Variants in BBS9 observed in about 807,000 individuals in gnomAD.
The protein encoded by BBS9 is Bardet-Biedl syndrome 9, also known as protein PTHB1.
BBS9 carries 89 observed loss-of-function variants against 117.7 expected under a neutral mutation model. That is an observed-to-expected ratio of 0.76 (90% CI 0.64 to 0.90). BBS9 has a LOEUF of 0.90. Ranked by LOEUF, BBS9 falls within the 40% of genes least tolerant of loss-of-function variation. BBS9 has a pLI of 0.00. For synonymous variants in BBS9, 379 were observed against 370.9 expected (o/e 1.02, Z -0.25); for missense variants, 982 against 1,042.2 (o/e 0.94, Z 0.80).
At chr7:33,529,012 G>GCAAAT (rs1360847673) in intron 20 of BBS9, among the ~76,000 whole-genome samples, 1 of 152,184 alleles carries the variant, frequency 6.6e-6, no homozygotes, top group African/African-American at 2.4e-5. Context: ...GTAAAGCAAA[G>GCAAAT]CAGTCAGAAA....
chr7:33,521,074 G>A (rs1848523654), intron 20 of BBS9, among the ~76,000 whole-genome samples: 1 of 152,102 alleles, frequency 6.6e-6, no homozygotes, highest in African/African-American at 2.4e-5. Flanking sequence ...GCTTAGTCAA[G>A]GTGACTGGCT....
At chr7:33,134,876 G>A (rs959551067) in intron 1 of BBS9, among the ~76,000 whole-genome samples, 5 of 152,094 alleles carry the variant, frequency 3.3e-5, no homozygotes, top group Admixed American at 6.5e-5. Context: ...GATTACAGGC[G>A]TCAGCCACTG....
At chr7:33,276,515 A>G (rs1211886469) in intron 9 of BBS9, among the ~76,000 whole-genome samples, 1 of 152,210 alleles carries the variant, frequency 6.6e-6, no homozygotes, top group Non-Finnish European at 1.5e-5. Flanking sequence ...CACAAAAGGT[A>G]AGGGAGCTTC....
At chr7:33,551,222 G>A (rs960136333) in intron 21 of BBS9, among the ~76,000 whole-genome samples, 1 of 152,168 alleles carries the variant, frequency 6.6e-6, no homozygotes, top group African/African-American at 2.4e-5. Context: ...GCAAGGGGGT[G>A]CCAGGCCCCA....
At chr7:33,492,942 T>A (rs1386708347) in intron 19 of BBS9, among the ~76,000 whole-genome samples, 2 of 151,966 alleles carry the variant, frequency 1.3e-5, no homozygotes, top group African/African-American at 4.8e-5. Context: ...TTGGCATTGC[T>A]GTGTGATTTT....
At chr7:33,274,884 G>A (rs5012441) in intron 9 of BBS9, among the ~76,000 whole-genome samples, 125,434 of 151,486 alleles carry the variant, frequency 0.83, 51,978 homozygotes, top group Admixed American at 0.86. Context: ...AGTCCCAGCT[G>A]CTTGGGAGGC....
At chr7:33,155,498 G>T in intron 3 of BBS9, 140 bp from the exon 4 acceptor site, 2 of 618,006 alleles carry the variant, frequency 3.2e-6, no homozygotes, top group Non-Finnish European at 5.8e-6. Context: ...TTATTTTTCA[G>T]TTTAGAATGT....
At chr7:33,576,834 G>C (rs1585328466) in intron 21 of BBS9, among the ~76,000 whole-genome samples, 1 of 152,130 alleles carries the variant, frequency 6.6e-6, no homozygotes, top group African/African-American at 2.4e-5. Flanking sequence ...ATGGTGCTGG[G>C]AAAACTGGCT....
chr7:33,478,529 A>G (rs922032116), intron 19 of BBS9, among the ~76,000 whole-genome samples: 1 of 152,206 alleles, frequency 6.6e-6, no homozygotes, highest in African/African-American at 2.4e-5. Flanking sequence ...TGAAAAAAGT[A>G]GGCATTTCAA....
At chr7:33,583,946 A>G (rs1860451816) in intron 21 of BBS9, among the ~76,000 whole-genome samples, 1 of 152,118 alleles carries the variant, frequency 6.6e-6, no homozygotes, top group Admixed American at 6.6e-5. Context: ...GCCTTTTAGA[A>G]GCACTTGATA....
chr7:33,216,410 GA>G (rs1012950424), intron 5 of BBS9, among the ~76,000 whole-genome samples: 2 of 152,158 alleles, frequency 1.3e-5, no homozygotes, highest in African/African-American at 4.8e-5. Flanking sequence ...CAAGGAAAGG[GA>G]TTAGTGTGTC....
chr7:33,470,246 A>G (rs1305252234), intron 19 of BBS9, among the ~76,000 whole-genome samples: 1 of 151,454 alleles, frequency 6.6e-6, no homozygotes, highest in Non-Finnish European at 1.5e-5. Context: ...ATTTATTTTC[A>G]TATTAGTTTC....
intron 9 of BBS9, among the ~76,000 whole-genome samples, chr7:33,334,619 A>G (rs1334337189): frequency 1.3e-5 from 2 of 152,086 alleles, no homozygotes; most frequent in Admixed American, 1.3e-4. Flanking sequence ...ACCCAAAGGT[A>G]CTCTGGGGTT....
downstream of BBS9, among the ~76,000 whole-genome samples, chr7:33,608,774 A>G (rs985235685): frequency 6.6e-6 from 1 of 152,080 alleles, no homozygotes; most frequent in African/African-American, 2.4e-5. Flanking sequence ...TGTTGGGTGC[A>G]TAGTTTGCAC....
chr7:33,396,213 G>A (rs1032373226), intron 19 of BBS9, among the ~76,000 whole-genome samples: 1 of 152,050 alleles, frequency 6.6e-6, no homozygotes, highest in Non-Finnish European at 1.5e-5. Context: ...ATTCATCAAG[G>A]TATTCATTTA....
At chr7:33,379,533 A>C (rs1824554835) in intron 17 of BBS9, among the ~76,000 whole-genome samples, 1 of 152,194 alleles carries the variant, frequency 6.6e-6, no homozygotes, top group African/African-American at 2.4e-5. Context: ...TTTTCTTTGA[A>C]AAATTAGCAC....
intron 4 of BBS9, among the ~76,000 whole-genome samples, chr7:33,175,168 G>A (rs955925785): frequency 6.6e-6 from 1 of 152,104 alleles, no homozygotes; most frequent in Non-Finnish European, 1.5e-5. Flanking sequence ...GCTGGGTGTG[G>A]TGGCAGGTGC....
intron 5 of BBS9, among the ~76,000 whole-genome samples, chr7:33,212,962 T>G (rs1469808711): frequency 1.3e-5 from 2 of 152,194 alleles, no homozygotes; most frequent in African/African-American, 4.8e-5. Flanking sequence ...GGGTCAGCCC[T>G]GAAGCCAGTG....
intron 19 of BBS9, among the ~76,000 whole-genome samples, chr7:33,434,824 A>G (rs992616743): frequency 6.6e-6 from 1 of 152,188 alleles, no homozygotes; most frequent in East Asian, 1.9e-4. Flanking sequence ...GGAGTCTAAA[A>G]TGTACAATGA....
Sources: gnomAD v4.1 joint callset for allele counts (sites outside exome capture counted in the v4.1 genomes callset) on GRCh38, gnomAD v4.1.1 for gene constraint, MANE v1.5 for transcripts, NCBI Gene and HGNC (gene_info 2026-07-23, HGNC 2026-07-21) for gene names.